The following PDZRN4 variants were observed in gnomAD, a reference collection of about 807,000 sequenced individuals.
PDZRN4 encodes the protein PDZ domain containing ring finger 4, also known as PDZ domain-containing RING finger protein 4.
A neutral mutation model predicts 99.0 loss-of-function variants in PDZRN4; 70 were observed. The ratio of observed to expected loss-of-function variants is 0.71; its 90% CI spans 0.58 to 0.86. PDZRN4 has a LOEUF of 0.86. Among genes scored for constraint, PDZRN4 ranks in the 40% least tolerant of loss-of-function variants. The probability of loss-of-function intolerance (pLI) is 0.00; values close to 1 mark genes in which losing one functional copy is unlikely to be tolerated. For synonymous variants in PDZRN4, 551 were observed against 501.6 expected (o/e 1.10, Z -1.32); for missense variants, 1,474 against 1,331.2 (o/e 1.11, Z -1.67).
intron 3 of PDZRN4, among the ~76,000 whole-genome samples, chr12:41,479,749 T>C (rs946450891): frequency 6.6e-6 from 1 of 152,172 alleles, no homozygotes; most frequent in Non-Finnish European, 1.5e-5. Flanking sequence ...TTGTTCAAGA[T>C]ATCAATAACA....
intron 3 of PDZRN4, among the ~76,000 whole-genome samples, chr12:41,230,315 T>C (rs1951019934): frequency 6.6e-6 from 1 of 152,036 alleles, no homozygotes; most frequent in South Asian, 2.1e-4. Context: ...TGCAAATTTT[T>C]AGCCCTGACT....
chr12:41,320,964 A>C (rs1416682535), intron 3 of PDZRN4, among the ~76,000 whole-genome samples: 1 of 152,170 alleles, frequency 6.6e-6, no homozygotes, highest in Admixed American at 6.5e-5. Flanking sequence ...TTTTCACAGT[A>C]AATATATATC....
chr12:41,403,825 C>T (rs773804451), intron 3 of PDZRN4, among the ~76,000 whole-genome samples: 1 of 152,004 alleles, frequency 6.6e-6, no homozygotes, highest in Non-Finnish European at 1.5e-5. Flanking sequence ...ATATGAAATG[C>T]AATTCTAAAA....
intron 3 of PDZRN4, among the ~76,000 whole-genome samples, chr12:41,324,124 A>G (rs1951695821): frequency 6.6e-6 from 1 of 152,226 alleles, no homozygotes; most frequent in South Asian, 2.1e-4. Flanking sequence ...TCATTATGAT[A>G]TGGAGTGATT....
At chr12:41,432,838 G>C (rs1952596231) in intron 3 of PDZRN4, among the ~76,000 whole-genome samples, 1 of 152,162 alleles carries the variant, frequency 6.6e-6, no homozygotes, top group South Asian at 2.1e-4. Context: ...GTAACATCTG[G>C]AGCACAGGTA....
chr12:41,472,249 C>A (rs1327693033), intron 3 of PDZRN4, among the ~76,000 whole-genome samples: 1 of 152,122 alleles, frequency 6.6e-6, no homozygotes, highest in Non-Finnish European at 1.5e-5. Context: ...GTGATCCACC[C>A]ACCTTGGCCT....
At chr12:41,401,319 AG>A (rs777779974) in intron 3 of PDZRN4, among the ~76,000 whole-genome samples, 27 of 152,176 alleles carry the variant, frequency 1.8e-4, no homozygotes, top group Non-Finnish European at 3.2e-4. Context: ...TAAAACTGAA[AG>A]TTTCTCTCCA....
intron 3 of PDZRN4, among the ~76,000 whole-genome samples, chr12:41,497,981 T>A (rs1005247119): frequency 2.7e-5 from 4 of 147,020 alleles, no homozygotes; most frequent in African/African-American, 1.1e-4. Flanking sequence ...ATTATGAAAC[T>A]TTTTTTTCAG....
At chr12:41,243,807 T>C (rs1333984388) in intron 3 of PDZRN4, among the ~76,000 whole-genome samples, 1 of 152,220 alleles carries the variant, frequency 6.6e-6, no homozygotes, top group Non-Finnish European at 1.5e-5. Flanking sequence ...TTAGATGTAA[T>C]ATAGGACTTT....
intron 3 of PDZRN4, among the ~76,000 whole-genome samples, chr12:41,469,434 G>A (rs1310997372): frequency 6.6e-6 from 1 of 152,136 alleles, no homozygotes; most frequent in African/African-American, 2.4e-5. Context: ...TGCTGTAAAT[G>A]AAAATGAACA....
chr12:41,257,542 T>A (rs79255029), intron 3 of PDZRN4, among the ~76,000 whole-genome samples: 94 of 152,262 alleles, frequency 6.2e-4, no homozygotes, highest in African/African-American at 2.2e-3. Flanking sequence ...AGCCCTGGAA[T>A]AGACCTTAGA....
intron 3 of PDZRN4, among the ~76,000 whole-genome samples, chr12:41,204,320 G>A (rs112502205): frequency 0.017 from 2,637 of 152,098 alleles, 55 homozygotes; most frequent in African/African-American, 0.047. Flanking sequence ...GAAAGACGGA[G>A]AGAGACAAAA....
At position 41,233,951 on chromosome 12, in the gene PDZRN4, T is replaced by TA. The variant is rs931747046; in HGVS notation, c.843+39773dup. On this transcript the variant is annotated intron_variant, in intron 3 of 9. Transcript: ENST00000402685. ...ACTTAAAGTATAATAATAATAAAGTTAAAAAAAAAACAAAGAAATCTGTTT... is the reference window on the plus strand; with the variant it reads ...ACTTAAAGTATAATAATAATAAAGTTAAAAAAAAAAACAAAGAAATCTGTTT... Among the ~76,000 whole-genome samples the TA allele has an allele frequency of 3.0e-3, 442 of 147,446 alleles. 3 individuals carry two copies. Among genetic ancestry groups the TA allele is most frequent in the African/African-American group, 7.4e-3 (296 of 40,272 alleles).
At chr12:41,391,761 A>G (rs928268626) in intron 3 of PDZRN4, among the ~76,000 whole-genome samples, 3 of 152,110 alleles carry the variant, frequency 2.0e-5, no homozygotes, top group Non-Finnish European at 4.4e-5. Flanking sequence ...TCATTGAAAA[A>G]TCTTTACTAA....
At chr12:41,489,727 A>G (rs1226199011) in intron 3 of PDZRN4, among the ~76,000 whole-genome samples, 2 of 149,354 alleles carry the variant, frequency 1.3e-5, no homozygotes, top group Non-Finnish European at 3.0e-5. Flanking sequence ...CTGTCATTTG[A>G]TAAGACTAGG....
intron 3 of PDZRN4, among the ~76,000 whole-genome samples, chr12:41,367,683 T>A (rs1952011638): frequency 6.6e-6 from 1 of 152,122 alleles, no homozygotes; most frequent in African/African-American, 2.4e-5. Context: ...GGTGGTAATT[T>A]GTGTGTTCCA....
chr12:41,423,799 C>T (rs1252724434), intron 3 of PDZRN4, among the ~76,000 whole-genome samples: 3 of 152,084 alleles, frequency 2.0e-5, no homozygotes, highest in Non-Finnish European at 4.4e-5. Context: ...AGTGATAAGG[C>T]TATGGGGAGC....
chr12:41,252,852 G>C (rs1047694930), intron 3 of PDZRN4, among the ~76,000 whole-genome samples: 1 of 152,152 alleles, frequency 6.6e-6, no homozygotes, highest in African/African-American at 2.4e-5. Context: ...ATTTTGAGGT[G>C]CTGAAAATGT....
chr12:41,396,328 C>T (rs1293263071), intron 3 of PDZRN4, among the ~76,000 whole-genome samples: 3 of 152,094 alleles, frequency 2.0e-5, no homozygotes, highest in East Asian at 1.9e-4. Context: ...GCATGCTGGC[C>T]GCTTACTAAC....
Sources: allele counts gnomAD v4.1 joint callset (sites outside exome capture counted in the v4.1 genomes callset), GRCh38; gene constraint gnomAD v4.1.1; transcripts MANE v1.5; gene names NCBI Gene and HGNC (gene_info 2026-07-23, HGNC 2026-07-21).